OSBPL3: variants seen among roughly 807,000 people sequenced by gnomAD.
OSBPL3 encodes oxysterol-binding protein-related protein 3.
OSBPL3 carries 65 observed loss-of-function variants against 120.1 expected under a neutral mutation model. That is an observed-to-expected ratio of 0.54 (90% CI 0.44 to 0.67). OSBPL3 has a LOEUF of 0.67. Ranked by LOEUF, OSBPL3 falls within the 30% of genes least tolerant of loss-of-function variation. The pLI is 0.00. For missense variants in OSBPL3, 1,004 were observed against 1,082.1 expected, an observed-to-expected ratio of 0.93 and a Z score of 1.01; for synonymous variants, 416 against 402.6, an observed-to-expected ratio of 1.03 and a Z score of -0.40.
At chr7:24,856,053 G>T (rs1799803120) in intron 10 of OSBPL3, among the ~76,000 whole-genome samples, 1 of 152,092 alleles carries the variant, frequency 6.6e-6, no homozygotes, top group Non-Finnish European at 1.5e-5. Context: ...ATTTGCCTCA[G>T]TGTCTCTTCA....
rs1793354212 is a variant in OSBPL3 at position 24,808,513 on chromosome 7, G to A, written c.2317+1294C>T. Among the ~76,000 whole-genome samples the A allele has an allele frequency of 6.6e-6, 1 of 152,236 alleles. No individual in the cohort carries two copies. Among genetic ancestry groups the A allele is most frequent in the African/African-American group, 2.4e-5 (1 of 41,470 alleles). On this transcript the variant is annotated intron_variant, in intron 20 of 22. Transcript: ENST00000313367. The surrounding 1 kb of genome is among the most constrained non-coding windows in gnomAD (Gnocchi z 4.6). ...ATACTTTAAGCAAAGGAGACAGACT[G>A]TGCCATTTGCAAAATCTCATGCTTG...
intron 12 of OSBPL3, among the ~76,000 whole-genome samples, chr7:24,843,700 TA>T (rs1281238725): frequency 6.6e-6 from 1 of 152,188 alleles, no homozygotes; most frequent in Non-Finnish European, 1.5e-5. Context: ...CTACCCATTT[TA>T]ATACCCATGT....
In OSBPL3 at chr7:24,835,568, T is replaced by C. The variant is rs956716572; in HGVS notation, c.1496-832A>G. Among the ~76,000 whole-genome samples, 2 of 152,104 alleles carry C rather than the reference T, an allele frequency of 1.3e-5. No homozygotes were observed. The highest frequency in any genetic ancestry group is 4.8e-5 in the African/African-American group (2 of 41,414). On this transcript the variant is annotated intron_variant, in intron 14 of 22. Coordinates refer to ENST00000313367, the MANE Select transcript of OSBPL3 (RefSeq NM_015550.4). This position sits in a 1 kb window ranked among gnomAD's most constrained non-coding sequence, Gnocchi z 4.8. ...CTCAGCAATCCCATTACTGACTATA[T>C]ACCCAAAGGAATATATATTGTTCTA... is the stretch of plus-strand genomic sequence containing the variant.
At chr7:24,975,152 T>C (rs1388821248) in intron 1 of OSBPL3, among the ~76,000 whole-genome samples, 1 of 152,234 alleles carries the variant, frequency 6.6e-6, no homozygotes, top group African/African-American at 2.4e-5. Context: ...ACAATTTTAG[T>C]ACATTTTTAG....
At chr7:24,928,193 T>TG (rs1811305975) in intron 1 of OSBPL3, among the ~76,000 whole-genome samples, 1 of 87,062 alleles carries the variant, frequency 1.1e-5, no homozygotes, top group African/African-American at 4.5e-5. Flanking sequence ...CCTTCCTTTT[T>TG]GTTTTTTTTT....
Position 24,820,115 on chromosome 7 carries a change from TA to T in OSBPL3, c.1948+59del. On this transcript the variant is annotated intron_variant, in intron 17 of 22. Transcript: ENST00000313367. The surrounding 1 kb of genome is among the most constrained non-coding windows in gnomAD (Gnocchi z 4.6). Reference sequence around the variant, plus strand: ...GTAAGAATTGACAGCAATTCTTGGATAAAATAAATAGATAACATATTACACA... The same window carrying T: ...GTAAGAATTGACAGCAATTCTTGGATAAATAAATAGATAACATATTACACA... 1.6e-6 allele frequency: 2 copies of T among 1,238,396 alleles called. No homozygotes were observed. The highest frequency in any genetic ancestry group is 2.3e-6 in the Non-Finnish European group (2 of 855,976). The allele number at this position is 1,238,396 out of a possible 1,614,324, so 76.7% of individuals were successfully genotyped here. A position where few individuals can be genotyped will look rare whatever the true frequency, so the allele number is the denominator to read the frequency against.
intron 14 of OSBPL3, among the ~76,000 whole-genome samples, chr7:24,839,543 GT>G (rs1197594555): frequency 6.6e-6 from 1 of 152,154 alleles, no homozygotes; most frequent in East Asian, 1.9e-4. Context: ...TTTCAAATGT[GT>G]TGTTTTGAAG....
rs559588690 is a variant in OSBPL3, at chr7:24,806,884, T to C, written c.2336A>G (p.Tyr779Cys). The C allele has an allele frequency of 9.3e-6, 15 of 1,612,110 alleles. No homozygotes were observed. In the African/African-American group the frequency reaches 1.1e-4, roughly 11 times the overall value. The change falls in exon 21 of 23, where the codon TAC (tyrosine) becomes TGC (cysteine). Residue 779 changes from tyrosine to cysteine, a missense_variant. Tyr to Cys is a radical substitution (Grantham distance 194, BLOSUM62 -2). Around this residue, in one of 4 missense-constraint regions of OSBPL3, gnomAD observed 473 missense variants for 568.0 expected, o/e 0.83. Transcript: ENST00000313367. This position sits in a 1 kb window ranked among gnomAD's most constrained non-coding sequence, Gnocchi z 5.2. ...CTGTGTGAAGCTATAGTATTGCTCG[T>C]AGCCTTTCGGCATAGGATCTAAGAA... ...VWRANPMPKG[Y>C]EQYYSFTQFA...
At chr7:24,882,490 A>G (rs1272158028) in intron 2 of OSBPL3, among the ~76,000 whole-genome samples, 1 of 152,234 alleles carries the variant, frequency 6.6e-6, no homozygotes, top group Non-Finnish European at 1.5e-5. Context: ...TTCGTCATCC[A>G]TGCAATCATT....
intron 16 of OSBPL3, among the ~76,000 whole-genome samples, chr7:24,828,879 C>T (rs1241625721): frequency 1.3e-5 from 2 of 152,090 alleles, no homozygotes; most frequent in East Asian, 1.9e-4. Context: ...ATCCTACACC[C>T]AGCACATTCT....
chr7:24,853,124 C>G (rs143668337), intron 10 of OSBPL3, among the ~76,000 whole-genome samples: 1 of 152,296 alleles, frequency 6.6e-6, no homozygotes, highest in East Asian at 1.9e-4. Flanking sequence ...GCTTCTAGAT[C>G]CTCAGTGATC....
intron 1 of OSBPL3, among the ~76,000 whole-genome samples, chr7:24,950,854 A>G (rs1352834546): frequency 6.6e-6 from 1 of 152,214 alleles, no homozygotes; most frequent in Non-Finnish European, 1.5e-5. Flanking sequence ...TTGGAACTCA[A>G]GTCACCACAG....
chr7:24,914,960 C>G (rs1809335631), intron 1 of OSBPL3, among the ~76,000 whole-genome samples: 1 of 152,086 alleles, frequency 6.6e-6, no homozygotes, highest in Non-Finnish European at 1.5e-5. Context: ...TCAGGCAAGG[C>G]AAAAGATCAT....
chr7:24,856,886 T>G (rs1401256239), intron 10 of OSBPL3, among the ~76,000 whole-genome samples: 1 of 152,228 alleles, frequency 6.6e-6, no homozygotes, highest in East Asian at 1.9e-4. Context: ...GCCCATGATT[T>G]TAAAATTCTT....
intron 1 of OSBPL3, among the ~76,000 whole-genome samples, chr7:24,915,762 T>C (rs1286856226): frequency 1.3e-5 from 2 of 152,034 alleles, no homozygotes; most frequent in African/African-American, 2.4e-5. Flanking sequence ...TTAGTAGAGA[T>C]GGGGTTTCAC....
chr7:24,864,977 G>A (rs371835295), intron 7 of OSBPL3, among the ~76,000 whole-genome samples: 8 of 152,136 alleles, frequency 5.3e-5, no homozygotes, highest in African/African-American at 1.9e-4. Context: ...CACCTACATC[G>A]TGAAGATCTC....
At chr7:24,919,068 C>T (rs888453690) in intron 1 of OSBPL3, among the ~76,000 whole-genome samples, 1 of 152,154 alleles carries the variant, frequency 6.6e-6, no homozygotes, top group African/African-American at 2.4e-5. Context: ...CAAATCCACA[C>T]CTTTTATATA....
chr7:24,858,973 T>C (rs1353680227), intron 10 of OSBPL3, among the ~76,000 whole-genome samples: 2 of 152,348 alleles, frequency 1.3e-5, no homozygotes, highest in East Asian at 3.9e-4. Context: ...GATGCCCTAA[T>C]TGCAACTGAT....
At chr7:24,832,513 G>GAAAAA (rs1192440659) in intron 15 of OSBPL3, among the ~76,000 whole-genome samples, 1 of 103,906 alleles carries the variant, frequency 9.6e-6, no homozygotes, top group Non-Finnish European at 2.0e-5. Flanking sequence ...CTGCCTCAAA[G>GAAAAA]AAAAAAAAAA....
Sources: allele counts gnomAD v4.1 joint callset (sites outside exome capture counted in the v4.1 genomes callset), GRCh38; gene constraint gnomAD v4.1.1; regional missense constraint gnomAD v4.1.1; non-coding constraint Gnocchi (gnomAD v3.1); transcripts MANE v1.5; gene names NCBI Gene and HGNC (gene_info 2026-07-23, HGNC 2026-07-21).